The following WAC variants were observed in gnomAD, a reference collection of about 807,000 sequenced individuals.
WAC encodes the protein WW domain-containing adapter protein with coiled-coil.
WAC carries 11 observed loss-of-function variants against 79.6 expected under a neutral mutation model. The observed-to-expected ratio is 0.14, with a 90% CI of 0.09 to 0.23. The LOEUF is 0.23. Among genes scored for constraint, WAC ranks in the 10% least tolerant of loss-of-function variants. The pLI is 1.00. For missense variants in WAC, 728 were observed against 773.5 expected, an observed-to-expected ratio of 0.94 and a Z score of 0.70; for synonymous variants, 304 against 276.9, an observed-to-expected ratio of 1.10 and a Z score of -0.97.
intron 9 of WAC, chr10:28,611,498 T>C: frequency 1.5e-6 from 2 of 1,378,254 alleles, no homozygotes; most frequent in East Asian, 3.4e-5. Flanking sequence ...AGGCCTTCCA[T>C]GTGAGATTAG....
intron 5 of WAC, among the ~76,000 whole-genome samples, chr10:28,590,503 C>T (rs1041900127): frequency 2.0e-5 from 3 of 152,070 alleles, no homozygotes; most frequent in Non-Finnish European, 2.9e-5. Context: ...TTGGTTATGG[C>T]GTTAGTGGTA....
chr10:28,608,125 G>C (rs539012221), intron 7 of WAC, 61 bp from the exon 8 acceptor site: 3 of 1,591,992 alleles, frequency 1.9e-6, no homozygotes, highest in African/African-American at 2.7e-5. Flanking sequence ...GTGTTCCTTT[G>C]ATGTTTGTTC....
intron 7 of WAC, among the ~76,000 whole-genome samples, chr10:28,601,629 G>C (rs1011782625): frequency 6.6e-6 from 1 of 152,102 alleles, no homozygotes; most frequent in Non-Finnish European, 1.5e-5. Context: ...ATTCACAACA[G>C]ACAAACATTA....
At chr10:28,570,573 T>G (rs1262878668) in intron 3 of WAC, among the ~76,000 whole-genome samples, 1 of 152,224 alleles carries the variant, frequency 6.6e-6, no homozygotes, top group East Asian at 1.9e-4. Flanking sequence ...GGACTTTCAT[T>G]CATGCATTTA....
chr10:28,538,555 C>T (rs534394879), intron 3 of WAC, among the ~76,000 whole-genome samples: 14 of 144,016 alleles, frequency 9.7e-5, no homozygotes, highest in African/African-American at 3.6e-4. Context: ...GCACTCCAGC[C>T]TGGGAGACGG....
chr10:28,586,493 T>C (rs1276719177), intron 4 of WAC, among the ~76,000 whole-genome samples: 2 of 151,894 alleles, frequency 1.3e-5, no homozygotes, highest in African/African-American at 2.4e-5. Context: ...CTGGGCAACA[T>C]AGTAAGCGCC....
intron 3 of WAC, among the ~76,000 whole-genome samples, chr10:28,536,650 C>T (rs1836694753): frequency 6.6e-6 from 1 of 152,162 alleles, no homozygotes; most frequent in Admixed American, 6.5e-5. Flanking sequence ...ATTTCTTTTG[C>T]ACAGTCCTGT....
intron 6 of WAC, among the ~76,000 whole-genome samples, chr10:28,592,992 T>A (rs1309924578): frequency 6.6e-6 from 1 of 152,230 alleles, no homozygotes; most frequent in East Asian, 1.9e-4. Context: ...TTGGGAGGTT[T>A]TCAGCCTTTT....
At chr10:28,580,649 C>T (rs1839486202) in intron 3 of WAC, among the ~76,000 whole-genome samples, 2 of 152,112 alleles carry the variant, frequency 1.3e-5, no homozygotes, top group South Asian at 4.1e-4. Context: ...ATGGAAATCC[C>T]ACTCTGCGAG....
intron 10 of WAC, among the ~76,000 whole-genome samples, chr10:28,613,367 CT>C (rs796250108): frequency 1.7e-4 from 26 of 152,198 alleles, no homozygotes; most frequent in African/African-American, 4.8e-4. Context: ...CTCTGAAAAA[CT>C]TTCTTGGGCA....
chr10:28,578,031 T>C lies in WAC; in HGVS notation c.275-5368T>C, dbSNP rs568114954. ...AAAATTAGTGGGACATGGTAGCGTA[T>C]ATCTGTAGTGCCAGCTACTTGGGAG... On this transcript the variant is annotated intron_variant, in intron 3 of 13. Transcript: ENST00000354911. Among the ~76,000 whole-genome samples the C allele has an allele frequency of 3.5e-4, 53 of 152,240 alleles. No homozygotes were observed. The East Asian group carries it at 6.8e-3, about 19-fold the overall frequency.
At chr10:28,536,727 A>G (rs780141836) in intron 3 of WAC, among the ~76,000 whole-genome samples, 1 of 152,222 alleles carries the variant, frequency 6.6e-6, no homozygotes, top group Non-Finnish European at 1.5e-5. Context: ...AACAAAACCA[A>G]TTCTCAGTAA....
intron 7 of WAC, among the ~76,000 whole-genome samples, chr10:28,604,742 A>T (rs540461420): frequency 6.6e-6 from 1 of 152,108 alleles, no homozygotes; most frequent in Non-Finnish European, 1.5e-5. Flanking sequence ...ATACAACACA[A>T]TTCCTCTCCC....
intron 13 of WAC, among the ~76,000 whole-genome samples, chr10:28,618,463 A>G (rs1485072278): frequency 2.6e-5 from 4 of 152,330 alleles, no homozygotes; most frequent in South Asian, 4.1e-4. Flanking sequence ...TACAGTTACT[A>G]AAATATCTGG....
chr10:28,600,606 TAATG>T lies in WAC; in HGVS notation c.919+4568_919+4571del, dbSNP rs551791877. On this transcript the variant is annotated intron_variant, in intron 7 of 13. Transcript: ENST00000354911. Reference sequence around the variant, plus strand: ...TAAATTTAACTAGGTTTAGTCAACTTAATGAAGAAATAACTGATAAAAAATATTA... The same window carrying T: ...TAAATTTAACTAGGTTTAGTCAACTTAAGAAATAACTGATAAAAAATATTA... Among the ~76,000 whole-genome samples, 54 of 152,252 alleles carry T rather than the reference TAATG, an allele frequency of 3.5e-4. No individual in the cohort carries two copies. The East Asian group carries it at 6.7e-3, about 19-fold the overall frequency.
In WAC at chr10:28,620,568, C is replaced by G. The variant is rs1426191970; in HGVS notation, c.*962C>G. On this transcript the variant is annotated 3_prime_UTR_variant, in exon 14 of 14. Transcript: ENST00000354911. ...ATTGTTATTTTTCTTTTCCTTCGGT[C>G]AGTGCACATTAGCATTTGAACTACC... 6.6e-6 allele frequency: 1 copy of G among 152,602 alleles called. No individual in the cohort carries two copies. The highest frequency in any genetic ancestry group is 1.5e-5 in the Non-Finnish European group (1 of 68,044). 9.5% of individuals were successfully genotyped at this position (152,602 alleles called of 1,614,324 possible).
At chr10:28,564,453 T>C (rs1838486322) in intron 3 of WAC, among the ~76,000 whole-genome samples, 1 of 152,138 alleles carries the variant, frequency 6.6e-6, no homozygotes, top group South Asian at 2.1e-4. Context: ...GTGGGAGTGA[T>C]GAAAACACAT....
chr10:28,538,356 C>T (rs1171163745), intron 3 of WAC: 12 of 300,406 alleles, frequency 4.0e-5, no homozygotes, highest in Non-Finnish European at 6.5e-5. Context: ...CCGAGGCAGG[C>T]AGATCACCTG....
intron 3 of WAC, among the ~76,000 whole-genome samples, chr10:28,567,688 ATATG>A (rs1224352488): frequency 1.3e-5 from 2 of 152,160 alleles, no homozygotes; most frequent in Non-Finnish European, 2.9e-5. Context: ...AGTTTTCAAA[ATATG>A]TAGCCTTGAC....
Sources: allele counts gnomAD v4.1 joint callset (sites outside exome capture counted in the v4.1 genomes callset), GRCh38; gene constraint gnomAD v4.1.1; transcripts MANE v1.5; gene names NCBI Gene and HGNC (gene_info 2026-07-23, HGNC 2026-07-21).